KRABD5: variants seen among roughly 807,000 people sequenced by gnomAD.
KRABD5 encodes KRAB domain containing 5.
At chr16:31,742,410 G>GT in the KRABD5 span, among the ~76,000 whole-genome samples, 1 of 152,080 alleles carries the variant, frequency 6.6e-6, no homozygotes, top group Non-Finnish European at 1.5e-5. Flanking sequence ...AACATGCAGT[G>GT]TTTTGGTTTT....
the KRABD5 span, among the ~76,000 whole-genome samples, chr16:31,715,325 G>T: frequency 6.6e-6 from 1 of 152,142 alleles, no homozygotes; most frequent in African/African-American, 2.4e-5. Context: ...CCTAAAACAG[G>T]GAGCATCATC....
the KRABD5 span, chr16:31,755,624 G>T: frequency 2.1e-6 from 1 of 485,204 alleles, no homozygotes; most frequent in African/African-American, 2.0e-5. Flanking sequence ...TCATACTGGA[G>T]AGAAACCCTA....
At chr16:31,714,162 A>G in the KRABD5 span, among the ~76,000 whole-genome samples, 1 of 152,192 alleles carries the variant, frequency 6.6e-6, no homozygotes, top group Non-Finnish European at 1.5e-5. Context: ...GCCAAATGTT[A>G]TGAGACAGGA....
At chr16:31,737,540 A>G in the KRABD5 span, among the ~76,000 whole-genome samples, 3 of 152,216 alleles carry the variant, frequency 2.0e-5, no homozygotes, top group African/African-American at 2.4e-5. Context: ...GTGGATTTCC[A>G]ATATGCCCAA....
the KRABD5 span, among the ~76,000 whole-genome samples, chr16:31,739,778 C>T: frequency 3.9e-5 from 6 of 152,198 alleles, no homozygotes; most frequent in African/African-American, 1.4e-4. Flanking sequence ...GTGACATGTT[C>T]GTGATGGCCA....
the KRABD5 span, chr16:31,754,777 TA>T: frequency 4.3e-6 from 2 of 463,648 alleles, no homozygotes; most frequent in Non-Finnish European, 8.8e-6. Context: ...AGATAATCCA[TA>T]ATGAAGAGAA....
chr16:31,727,344 G>T, the KRABD5 span, among the ~76,000 whole-genome samples: 2 of 152,180 alleles, frequency 1.3e-5, no homozygotes, highest in African/African-American at 4.8e-5. Flanking sequence ...GAAGGTTCAC[G>T]GCTTCACTCA....
chr16:31,749,096 AC>A, the KRABD5 span, among the ~76,000 whole-genome samples: 1 of 152,174 alleles, frequency 6.6e-6, no homozygotes, highest in African/African-American at 2.4e-5. Flanking sequence ...GACTGTTGTC[AC>A]CCCTCTCGCT....
the KRABD5 span, among the ~76,000 whole-genome samples, chr16:31,716,930 T>G: frequency 6.6e-6 from 1 of 152,074 alleles, no homozygotes; most frequent in African/African-American, 2.4e-5. Context: ...TTTTTCTGCC[T>G]TTTGGAAATA....
the KRABD5 span, chr16:31,753,996 C>G: frequency 7.0e-7 from 1 of 1,423,904 alleles, no homozygotes; most frequent in Non-Finnish European, 9.7e-7. Context: ...AGGTCAAAAA[C>G]ATGAAAAAAC....
chr16:31,729,139 T>C, the KRABD5 span, among the ~76,000 whole-genome samples: 11 of 152,232 alleles, frequency 7.2e-5, no homozygotes, highest in Non-Finnish European at 1.2e-4. Context: ...GAATATCCTT[T>C]CCAGTTCTTT....
chr16:31,721,271 C>T, the KRABD5 span, among the ~76,000 whole-genome samples: 1 of 151,946 alleles, frequency 6.6e-6, no homozygotes, highest in Non-Finnish European at 1.5e-5. Context: ...TGTATAGTTA[C>T]CATTTCTATG....
chr16:31,748,203 A>G, the KRABD5 span, among the ~76,000 whole-genome samples: 157 of 152,282 alleles, frequency 1.0e-3, no homozygotes, highest in African/African-American at 3.7e-3. Context: ...TCAGCTTTCT[A>G]CATATGGCTA....
chr16:31,734,733 T>G, the KRABD5 span, among the ~76,000 whole-genome samples: 5 of 151,802 alleles, frequency 3.3e-5, no homozygotes, highest in African/African-American at 4.8e-5. Flanking sequence ...TATATCAGCT[T>G]TTTTTTCCTT....
chr16:31,751,219 A>G, the KRABD5 span, among the ~76,000 whole-genome samples: 3 of 152,110 alleles, frequency 2.0e-5, no homozygotes, highest in Non-Finnish European at 4.4e-5. Context: ...TTTTGTGTCT[A>G]TGTTCATTAG....
At chr16:31,714,796 G>A in the KRABD5 span, among the ~76,000 whole-genome samples, 2 of 152,164 alleles carry the variant, frequency 1.3e-5, no homozygotes, top group Non-Finnish European at 2.9e-5. Context: ...ATTCACAGGC[G>A]GATGTGGTCG....
chr16:31,727,016 C>G, the KRABD5 span, among the ~76,000 whole-genome samples: 1 of 152,270 alleles, frequency 6.6e-6, no homozygotes, highest in African/African-American at 2.4e-5. Flanking sequence ...TAAATGGAAT[C>G]ATAAGAATTT....
At chr16:31,717,755 CTG>C in the KRABD5 span, among the ~76,000 whole-genome samples, 2 of 152,130 alleles carry the variant, frequency 1.3e-5, no homozygotes, top group African/African-American at 2.4e-5. Context: ...TTCCCAAACA[CTG>C]AGAAATGTAA....
chr16:31,719,717 G>A, the KRABD5 span, among the ~76,000 whole-genome samples: 1 of 152,172 alleles, frequency 6.6e-6, no homozygotes, highest in African/African-American at 2.4e-5. Context: ...CAGAGCTAGT[G>A]CTCACAATTT....
Sources: gnomAD v4.1 joint callset for allele counts (sites outside exome capture counted in the v4.1 genomes callset) on GRCh38, gnomAD v4.1.1 for gene constraint, MANE v1.5 for transcripts, NCBI Gene and HGNC (gene_info 2026-07-23, HGNC 2026-07-21) for gene names.